Variants in DIAPH2 observed in about 807,000 individuals in gnomAD.
DIAPH2 encodes protein diaphanous homolog 2.
Under a neutral mutation model 92.7 loss-of-function variants are expected in DIAPH2, and 35 were observed. The ratio of observed to expected loss-of-function variants is 0.38; its 90% CI spans 0.29 to 0.50. The LOEUF (loss-of-function observed/expected upper bound fraction) is 0.50, where lower values mean the gene tolerates loss of function less well. DIAPH2 is among the 20% of genes least tolerant of loss of function. DIAPH2 has a pLI of 0.94. For synonymous variants in DIAPH2, 301 were observed against 280.4 expected (o/e 1.07, Z -0.73); for missense variants, 701 against 819.5 (o/e 0.86, Z 1.77).
intron 3 of DIAPH2, among the ~76,000 whole-genome samples, chrX:96,742,596 A>T (rs1338190596): frequency 4.5e-5 from 5 of 110,905 alleles, no homozygotes; most frequent in African/African-American, 1.6e-4. Context: ...CCGCTAGCTC[A>T]CAGCTTCAGT....
chrX:96,813,114 AG>A (rs1407749434), intron 4 of DIAPH2, among the ~76,000 whole-genome samples: 1 of 111,298 alleles, frequency 9.0e-6, no homozygotes, highest in Non-Finnish European at 1.9e-5. Context: ...TAATGTTGAC[AG>A]GGGGGTGTTA....
At chrX:96,720,750 G>C (rs1448129733) in intron 1 of DIAPH2, among the ~76,000 whole-genome samples, 1 of 111,491 alleles carries the variant, frequency 9.0e-6, no homozygotes, top group East Asian at 2.8e-4. Context: ...GATTTTACTT[G>C]TGATAAATAT....
intron 22 of DIAPH2, among the ~76,000 whole-genome samples, chrX:97,236,545 A>ATTT (rs200824073): frequency 1.1e-5 from 1 of 87,525 alleles, no homozygotes; most frequent in Non-Finnish European, 2.3e-5. Context: ...TTTCATTTTC[A>ATTT]TTTTTTTTTT....
chrX:96,953,670 G>T (rs2065790954), intron 15 of DIAPH2: 1 of 112,016 alleles, frequency 8.9e-6, no homozygotes, highest in South Asian at 3.8e-4. Context: ...ATCCATAATT[G>T]CCCTATCAAT....
chrX:97,281,227 C>T (rs1180830939), intron 23 of DIAPH2, among the ~76,000 whole-genome samples: 1 of 111,107 alleles, frequency 9.0e-6, no homozygotes, highest in Non-Finnish European at 1.9e-5. Context: ...ATAAACACAA[C>T]GTTGGAATAG....
chrX:96,807,944 C>CAAAA (rs541681495), intron 4 of DIAPH2, among the ~76,000 whole-genome samples: 4 of 14,488 alleles, frequency 2.8e-4, no homozygotes, highest in Non-Finnish European at 3.6e-4. Flanking sequence ...GTAGAAATAG[C>CAAAA]AAAAAAAAAA....
intron 24 of DIAPH2, among the ~76,000 whole-genome samples, chrX:97,365,689 T>C (rs889310981): frequency 5.5e-5 from 6 of 109,977 alleles, no homozygotes; most frequent in African/African-American, 1.7e-4. Context: ...TTTCTTTTTT[T>C]TTTCATTTTT....
chrX:97,595,559 T>TTTTC (rs199766200), intron 26 of DIAPH2, among the ~76,000 whole-genome samples: 2 of 109,951 alleles, frequency 1.8e-5, no homozygotes, highest in Non-Finnish European at 3.8e-5. Flanking sequence ...GCACATTTTC[T>TTTTC]TTTCTTTCTT....
rs56682273 is a variant in DIAPH2 at position 96,916,417 on chromosome X, GT to G, written c.733-3del. On this transcript the variant is annotated intron_variant, in intron 7 of 26. Transcript: ENST00000324765. ...TATTCCATAGACATTCTGAATGAAG[GT>G]TTTTTTTTTTTTTTTTTAGTTTGGA... The G allele has an allele frequency of 0.043, 35,245 of 811,544 alleles. No homozygotes were observed. Among genetic ancestry groups the G allele is most frequent in the East Asian group, 0.11 (2,523 of 22,178 alleles). 66.9% of individuals were successfully genotyped at this position (811,544 alleles called of 1,213,427 possible).
chrX:97,129,447 G>A (rs1318813869), intron 21 of DIAPH2, among the ~76,000 whole-genome samples: 6 of 110,741 alleles, frequency 5.4e-5, no homozygotes, highest in African/African-American at 2.0e-4. Context: ...TTACAGGCAT[G>A]AGCCGCTGTG....
intron 25 of DIAPH2, among the ~76,000 whole-genome samples, chrX:97,398,904 G>A (rs1052495490): frequency 4.6e-5 from 5 of 109,843 alleles, no homozygotes; most frequent in African/African-American, 6.6e-5. Flanking sequence ...CCACCACCAC[G>A]CCTGGCTAAT....
chrX:97,468,687 G>A, intron 26 of DIAPH2, among the ~76,000 whole-genome samples: 1 of 109,493 alleles, frequency 9.1e-6, no homozygotes, highest in East Asian at 2.8e-4. Flanking sequence ...AGCCAAGAAG[G>A]TTTGGAGGTG....
rs983245423 is a variant in DIAPH2 at position 97,236,987 on chromosome X, T to C, written c.2720-10728T>C. Among the ~76,000 whole-genome samples, 3 of 112,240 alleles carry C rather than the reference T, an allele frequency of 2.7e-5. No individual in the cohort carries two copies. The East Asian group carries it at 8.3e-4, about 31-fold the overall frequency. On this transcript the variant is annotated intron_variant, in intron 22 of 26. Coordinates refer to ENST00000324765, the MANE Select transcript of DIAPH2 (RefSeq NM_006729.5). ...ATTGTTTGACAGTATTGAATATAAA[T>C]TGTTTTCTACCTGTTTGTTCTTCGT... is the stretch of plus-strand genomic sequence containing the variant.
At chrX:96,876,706 A>G (rs779631558) in intron 4 of DIAPH2, among the ~76,000 whole-genome samples, 153 of 108,118 alleles carry the variant, frequency 1.4e-3, no homozygotes, top group African/African-American at 5.0e-3. Context: ...TGGGAATTGA[A>G]CAATGAGAAC....
intron 17 of DIAPH2, among the ~76,000 whole-genome samples, chrX:96,991,466 A>G (rs1443984857): frequency 9.1e-6 from 1 of 109,467 alleles, no homozygotes; most frequent in Non-Finnish European, 1.9e-5. Context: ...GAGAAATTAC[A>G]TAACTTGCCC....
rs769568940 is a variant in DIAPH2, at chrX:96,957,828, G to T, written c.1615G>T (p.Ala539Ser). The stretch of plus-strand genomic sequence containing the variant: ...TAAACTTGGATTATTTATATTTCAG[G>T]CACAAGTACTCTCAAGTTCATCAGG... ...EAEIQQLRTQ[A>S]QVLSSSSGIP... is the part of the protein sequence containing the mutation. The change falls in exon 16 of 27, where the codon GCA becomes TCA. Residue 539 changes from alanine to serine, a missense_variant and splice_region_variant. Physicochemically the swap from Ala to Ser is moderately conservative, Grantham distance 99. Coordinates refer to ENST00000324765, the MANE Select transcript of DIAPH2 (RefSeq NM_006729.5). The T allele has an allele frequency of 8.5e-7, 1 of 1,176,983 alleles. No individual in the cohort carries two copies. The highest frequency in any genetic ancestry group is 2.2e-5 in the Admixed American group (1 of 44,871).
At chrX:97,529,369 A>G (rs772285353) in intron 26 of DIAPH2, among the ~76,000 whole-genome samples, 2 of 112,035 alleles carry the variant, frequency 1.8e-5, no homozygotes, top group East Asian at 2.8e-4. Flanking sequence ...GAAGACAGAT[A>G]TAGAGCCACA....
At chrX:97,208,858 A>C (rs1261152885) in intron 22 of DIAPH2, among the ~76,000 whole-genome samples, 2 of 110,525 alleles carry the variant, frequency 1.8e-5, no homozygotes, top group Non-Finnish European at 3.8e-5. Flanking sequence ...AATGTAAGGC[A>C]GCGGTGAGGG....
At chrX:97,479,082 T>C (rs1319542120) in intron 26 of DIAPH2, among the ~76,000 whole-genome samples, 4 of 111,949 alleles carry the variant, frequency 3.6e-5, no homozygotes, top group Non-Finnish European at 7.5e-5. Context: ...TTACCCTTTT[T>C]TTCCCTTCAA....
Sources: allele counts gnomAD v4.1 joint callset (sites outside exome capture counted in the v4.1 genomes callset), GRCh38; gene constraint gnomAD v4.1.1; transcripts MANE v1.5; gene names NCBI Gene and HGNC (gene_info 2026-07-23, HGNC 2026-07-21).